The following THBS1 variants were observed in gnomAD, a reference collection of about 807,000 sequenced individuals.
THBS1 encodes thrombospondin 1.
A neutral mutation model predicts 126.1 loss-of-function variants in THBS1; 29 were observed. The ratio of observed to expected loss-of-function variants is 0.23; its 90% CI spans 0.17 to 0.31. The LOEUF is 0.31. THBS1 is among the 10% of genes least tolerant of loss of function. The pLI is 1.00. For synonymous variants in THBS1, 496 were observed against 577.8 expected (o/e 0.86, Z 2.03); for missense variants, 1,198 against 1,545.2 (o/e 0.78, Z 3.77).
Position 39,584,196 on chromosome 15 carries a change from C to T in THBS1, c.903+9C>T, listed in dbSNP as rs1890166655. 2 of 1,613,846 alleles carry T rather than the reference C, an allele frequency of 1.2e-6. No individual in the cohort carries two copies. The highest frequency in any genetic ancestry group is 2.7e-5 in the African/African-American group (2 of 74,922). On this transcript the variant is annotated intron_variant, in intron 5 of 21. Transcript: ENST00000260356. ...ACAGCATCCGCAAAGTGGTCAGTGG[C>T]CTCTGCACCCAGCCCGTTAGCATGA...
chr15:39,593,705 T>TG lies in THBS1; in HGVS notation c.3267+40dup. ...AGCCCTGGAACAGAGAGAGAGCTTA[T>TG]GGGTGCCTGACTAGCACTGGGGATG... is the stretch of plus-strand genomic sequence containing the variant. On this transcript the variant is annotated intron_variant, in intron 19 of 21. Coordinates refer to ENST00000260356, the MANE Select transcript of THBS1 (RefSeq NM_003246.4). The surrounding 1 kb of genome is among the most constrained non-coding windows in gnomAD (Gnocchi z 5.9). 1 of 1,605,500 alleles carries TG rather than the reference T, an allele frequency of 6.2e-7. No homozygotes were observed. The highest frequency in any genetic ancestry group is 1.7e-5 in the Admixed American group (1 of 59,478).
chr15:39,581,997 C>T, intron 2 of THBS1, 73 bp downstream of exon 2: 1 of 1,517,692 alleles, frequency 6.6e-7, no homozygotes. Flanking sequence ...TGTGCCCCCT[C>T]ACGTGCTGTC....
Position 39,599,295 on chromosome 15 carries a change from A to C in THBS1, c.*3926A>C, listed in dbSNP as rs1595518295. ...TCCTTGTTAGAGTTACCTTCAGTTG[A>C]CATGCTGTGAATGGTCCCACCTCTT... On this transcript the variant is annotated 3_prime_UTR_variant, in exon 22 of 22. Coordinates refer to ENST00000260356, the MANE Select transcript of THBS1 (RefSeq NM_003246.4). 1.3e-5 allele frequency: 2 copies of C among 152,240 alleles called. No individual in the cohort carries two copies. The highest frequency in any genetic ancestry group is 1.9e-4 in the East Asian group (1 of 5,208). The allele number at this position is 152,240 out of a possible 1,614,324, so 9.4% of individuals were successfully genotyped here. A position where few individuals can be genotyped will look rare whatever the true frequency, so the allele number is the denominator to read the frequency against.
chr15:39,582,043 A>G, intron 2 of THBS1, 119 bp downstream of exon 2: 1 of 1,339,656 alleles, frequency 7.5e-7, no homozygotes, highest in South Asian at 1.3e-5. Context: ...ATCAGGACGC[A>G]GCTTCACTCT....
intron 3 of THBS1, among the ~76,000 whole-genome samples, chr15:39,583,392 A>G (rs1890148313): frequency 6.6e-6 from 1 of 152,224 alleles, no homozygotes; most frequent in Non-Finnish European, 1.5e-5. Flanking sequence ...CTGATAACTG[A>G]ATTCTTTGTA....
Position 39,589,213 on chromosome 15 carries a change from G to A in THBS1, c.1785G>A (p.Val595=), listed in dbSNP as rs1890277516. 6.2e-7 allele frequency: 1 copy of A among 1,614,136 alleles called. No homozygotes were observed. Among genetic ancestry groups the A allele is most frequent in the African/African-American group, 1.3e-5 (1 of 75,038 alleles). ...TATTTCCTCCATAGTGCAAAGAAGTGCCTGATGCCTGCTTCAACCACAATG... is the reference window on the plus strand; with the variant it reads ...TATTTCCTCCATAGTGCAAAGAAGTACCTGATGCCTGCTTCAACCACAATG... ...QCTDVDECKE[V]PDACFNHNGE... The change falls in exon 12 of 22, where the codon GTG becomes GTA. Residue 595 remains valine, a synonymous_variant. Coordinates refer to ENST00000260356, the MANE Select transcript of THBS1 (RefSeq NM_003246.4). The surrounding 1 kb of genome is among the most constrained non-coding windows in gnomAD (Gnocchi z 4.7).
In THBS1 at chr15:39,588,562, T is replaced by C; in HGVS notation, c.1508T>C (p.Ile503Thr). The C allele has an allele frequency of 6.3e-7, 1 of 1,588,496 alleles. No individual in the cohort carries two copies. Among genetic ancestry groups the C allele is most frequent in the Non-Finnish European group, 8.5e-7 (1 of 1,169,768 alleles). ...TGGGGTCCTTGGTCACCATGGGACA[T>C]CTGTTCTGTCACCTGTGGAGGAGGG... ...GGWGPWSPWD[I>T]CSVTCGGGVQ... Residue 503 changes from isoleucine to threonine, a missense_variant, in exon 10 of 22, where the codon ATC becomes ACC. Physicochemically the swap from Ile to Thr is moderately conservative, Grantham distance 89 (BLOSUM62 -1). Around this residue, in one of 4 missense-constraint regions of THBS1, gnomAD observed 663 missense variants for 860.1 expected, o/e 0.77. Coordinates refer to ENST00000260356, the MANE Select transcript of THBS1 (RefSeq NM_003246.4).
chr15:39,582,232 T>C lies in THBS1; in HGVS notation c.107T>C (p.Leu36Pro). The part of the protein sequence containing the change: ...GDNSVFDIFE[L>P]TGAARKGSGR... Reference sequence around the variant, plus strand: ...AACAGCGTGTTTGACATCTTTGAACTCACCGGGGCCGCCCGCAAGGGGTCT... The same window carrying C: ...AACAGCGTGTTTGACATCTTTGAACCCACCGGGGCCGCCCGCAAGGGGTCT... Residue 36 changes from leucine to proline, a missense_variant, in exon 3 of 22, where the codon CTC (leucine) becomes CCC (proline). Physicochemically the swap from Leu to Pro is moderately conservative, Grantham distance 98. Coordinates refer to ENST00000260356, the MANE Select transcript of THBS1 (RefSeq NM_003246.4). The C allele has an allele frequency of 6.2e-7, 1 of 1,612,356 alleles. No homozygotes were observed. Among genetic ancestry groups the C allele is most frequent in the Non-Finnish European group, 8.5e-7 (1 of 1,179,320 alleles).
Position 39,587,396 on chromosome 15 carries a change from C to T in THBS1, c.1170C>T (p.Ser390=), listed in dbSNP as rs201648808. 39 of 1,613,992 alleles carry T rather than the reference C, an allele frequency of 2.4e-5. 1 individual carries two copies. The Middle Eastern group carries it at 4.9e-4, about 20-fold the overall frequency. ...GGTCTCCATGGTCCGAGTGGACCTCCTGTTCTACGAGCTGTGGCAATGGAA... is the reference window on the plus strand; with the variant it reads ...GGTCTCCATGGTCCGAGTGGACCTCTTGTTCTACGAGCTGTGGCAATGGAA... The part of the protein sequence containing the change: ...DGWSPWSEWT[S]CSTSCGNGIQ... The change falls in exon 8 of 22, where the codon TCC becomes TCT. Residue 390 remains serine, a synonymous_variant. Coordinates refer to ENST00000260356, the MANE Select transcript of THBS1 (RefSeq NM_003246.4).
chr15:39,592,613 C>A lies in THBS1; in HGVS notation c.2578C>A (p.Gln860Lys), dbSNP rs1033421623. Residue 860 changes from glutamine (Q) to lysine (K), a missense_variant, in exon 17 of 22, where the codon CAG (glutamine) becomes AAG (lysine). By Grantham distance (53) the Gln-to-Lys change is moderately conservative. Coordinates refer to ENST00000260356, the MANE Select transcript of THBS1 (RefSeq NM_003246.4). The surrounding 1 kb of genome is among the most constrained non-coding windows in gnomAD (Gnocchi z 4.3). ...CATTGGAGATACCTGTGACAACAAT[C>A]AGGATATTGATGAAGATGGCCACCA... is the stretch of plus-strand genomic sequence containing the variant. Reference protein sequence around the residue: ...DRIGDTCDNNQDIDEDGHQNN... With the variant: ...DRIGDTCDNNKDIDEDGHQNN... 1 of 1,613,994 alleles carries A rather than the reference C, an allele frequency of 6.2e-7. No individual in the cohort carries two copies.
At position 39,582,285 on chromosome 15, in the gene THBS1, C is replaced by T. The variant is rs1890123815; in HGVS notation, c.160C>T (p.Pro54Ser). 2 of 1,614,094 alleles carry T rather than the reference C, an allele frequency of 1.2e-6. No individual in the cohort carries two copies. Among genetic ancestry groups the T allele is most frequent in the Admixed American group, 1.7e-5 (1 of 60,008 alleles). ...SGRRLVKGPD[P>S]SSPAFRIEDA... Reference sequence around the variant, plus strand: ...GCGCCGACTGGTGAAGGGCCCCGACCCTTCCAGCCCAGCTTTCCGCATCGA... The same window carrying T: ...GCGCCGACTGGTGAAGGGCCCCGACTCTTCCAGCCCAGCTTTCCGCATCGA... Residue 54 changes from proline to serine, a missense_variant, in exon 3 of 22, where the codon CCT (proline) becomes TCT (serine). Transcript: ENST00000260356.
chr15:39,593,393 C>A lies in THBS1; in HGVS notation c.2996-4C>A. On this transcript the variant is annotated splice_polypyrimidine_tract_variant and splice_region_variant and intron_variant, in intron 18 of 21. Transcript: ENST00000260356. The surrounding 1 kb of genome is among the most constrained non-coding windows in gnomAD (Gnocchi z 5.9). Reference sequence around the variant, plus strand: ...TTTAACCTGGCTCTGGGCTCTTCTTCCAGGTTATGATGAGTTTAATGCTGT... The same window carrying A: ...TTTAACCTGGCTCTGGGCTCTTCTTACAGGTTATGATGAGTTTAATGCTGT... The A allele has an allele frequency of 1.9e-6, 3 of 1,613,808 alleles. No individual in the cohort carries two copies. The highest frequency in any genetic ancestry group is 2.5e-6 in the Non-Finnish European group (3 of 1,179,780).
rs185847032 is a variant in THBS1, at chr15:39,594,201, G to A, written c.3365+5G>A. 8.1e-5 allele frequency: 131 copies of A among 1,614,090 alleles called. No homozygotes were observed. In the East Asian group the frequency reaches 2.4e-3, roughly 29 times the overall value. On this transcript the variant is annotated splice_donor_5th_base_variant and intron_variant, in intron 20 of 21. Transcript: ENST00000260356. The surrounding 1 kb of genome is among the most constrained non-coding windows in gnomAD (Gnocchi z 4.4). ...GCCAAAGACGGGTTTCATTAGGTAC[G>A]ATCATACTGATTCACTTTCACTTAC...
chr15:39,583,374 C>T (rs1274566057), intron 3 of THBS1, among the ~76,000 whole-genome samples: 1 of 152,166 alleles, frequency 6.6e-6, no homozygotes, highest in East Asian at 1.9e-4. Flanking sequence ...CCTGTGTACC[C>T]AAGTAGGCTG....
chr15:39,584,161 A>C lies in THBS1; in HGVS notation c.877A>C (p.Thr293Pro). 1.2e-6 allele frequency: 2 copies of C among 1,614,200 alleles called. No homozygotes were observed. The highest frequency in any genetic ancestry group is 1.7e-6 in the Non-Finnish European group (2 of 1,180,020). Residue 293 changes from threonine (T) to proline (P), a missense_variant, in exon 5 of 22, where the codon ACG (threonine) becomes CCG (proline). Around this residue, in one of 4 missense-constraint regions of THBS1, gnomAD observed 663 missense variants for 860.1 expected, o/e 0.77. Coordinates refer to ENST00000260356, the MANE Select transcript of THBS1 (RefSeq NM_003246.4). ...ELRGLRTIVTTLQDSIRKVTE... is the reference protein window; with the variant it reads ...ELRGLRTIVTPLQDSIRKVTE... Reference sequence around the variant, plus strand: ...CAGGGGCCTGCGCACCATTGTGACCACGCTGCAGGACAGCATCCGCAAAGT... The same window carrying C: ...CAGGGGCCTGCGCACCATTGTGACCCCGCTGCAGGACAGCATCCGCAAAGT...
In THBS1 at chr15:39,589,463, C is replaced by T. The variant is rs914534699; in HGVS notation, c.1926+109C>T. The T allele has an allele frequency of 9.5e-6, 13 of 1,370,840 alleles. No individual in the cohort carries two copies. The highest frequency in any genetic ancestry group is 2.4e-5 in the East Asian group (1 of 41,222). 84.9% of individuals were successfully genotyped at this position (1,370,840 alleles called of 1,614,324 possible). A position where few individuals can be genotyped will look rare whatever the true frequency, so the allele number is the denominator to read the frequency against. ...ATACCCTTCACCAAAAAAAAAAGGGCGAGGAGATGAATGTACGGTCTAGTT... is the reference window on the plus strand; with the variant it reads ...ATACCCTTCACCAAAAAAAAAAGGGTGAGGAGATGAATGTACGGTCTAGTT... On this transcript the variant is annotated intron_variant, in intron 12 of 21. Transcript: ENST00000260356. The surrounding 1 kb of genome is among the most constrained non-coding windows in gnomAD (Gnocchi z 4.7).
chr15:39,590,708 T>C, intron 14 of THBS1, 85 bp downstream of exon 14: 1 of 1,042,018 alleles, frequency 9.6e-7, no homozygotes, highest in South Asian at 1.4e-5. Flanking sequence ...ATTACATGGC[T>C]ATAGCAAAAA....
At position 39,589,359 on chromosome 15, in the gene THBS1, A is replaced by C. The variant is rs980999562; in HGVS notation, c.1926+5A>C. On this transcript the variant is annotated splice_donor_5th_base_variant and intron_variant, in intron 12 of 21. Transcript: ENST00000260356. This position sits in a 1 kb window ranked among gnomAD's most constrained non-coding sequence, Gnocchi z 4.7. The stretch of plus-strand genomic sequence containing the variant: ...CATGCCACGGCCAACAAACAGGTAC[A>C]GTCAACTAGACGAGTAAACCAGAGG... 1 of 1,613,796 alleles carries C rather than the reference A, an allele frequency of 6.2e-7. No homozygotes were observed. Among genetic ancestry groups the C allele is most frequent in the African/African-American group, 1.3e-5 (1 of 74,934 alleles).
intron 7 of THBS1, chr15:39,586,961 TG>T (rs965564691): frequency 6.2e-6 from 1 of 160,596 alleles, no homozygotes; most frequent in African/African-American, 2.4e-5. Context: ...CTTTTCATCC[TG>T]TATAACTGCA....
Sources: gnomAD v4.1 joint callset for allele counts (sites outside exome capture counted in the v4.1 genomes callset) on GRCh38, gnomAD v4.1.1 for gene constraint, gnomAD v4.1.1 regional missense constraint, Gnocchi (gnomAD v3.1) non-coding constraint, MANE v1.5 for transcripts, NCBI Gene and HGNC (gene_info 2026-07-23, HGNC 2026-07-21) for gene names.